Variants in GSK3B observed in about 807,000 individuals in gnomAD.
The protein encoded by GSK3B is glycogen synthase kinase-3 beta.
A neutral mutation model predicts 56.4 loss-of-function variants in GSK3B; 15 were observed. That is an observed-to-expected ratio of 0.27 (90% CI 0.18 to 0.41). The LOEUF (loss-of-function observed/expected upper bound fraction) is 0.41. Ranked by LOEUF, GSK3B falls within the 10% of genes least tolerant of loss-of-function variation. The pLI, the probability that GSK3B is intolerant of heterozygous loss-of-function variation, is 1.00. For missense variants in GSK3B, 300 were observed against 513.4 expected (o/e 0.58, Z 4.02); for synonymous variants, 181 against 188.9 (o/e 0.96, Z 0.34).
intron 2 of GSK3B, among the ~76,000 whole-genome samples, chr3:119,981,592 C>G (rs1488854443): frequency 6.6e-6 from 1 of 152,272 alleles, no homozygotes; most frequent in African/African-American, 2.4e-5. Context: ...TTGCTCACTG[C>G]TAGCGCAGTA....
chr3:120,038,482 C>T (rs141900565), intron 1 of GSK3B, among the ~76,000 whole-genome samples: 19 of 152,224 alleles, frequency 1.2e-4, no homozygotes, highest in Non-Finnish European at 2.1e-4. Flanking sequence ...CAGCTGTGAT[C>T]AAGCCACTGC....
intron 6 of GSK3B, among the ~76,000 whole-genome samples, chr3:119,911,118 C>T (rs1579032): frequency 0.026 from 3,933 of 152,208 alleles, 173 homozygotes; most frequent in African/African-American, 0.089. Flanking sequence ...ATGGTGAATC[C>T]TTTCCAGAAG....
At chr3:119,923,314 C>A (rs1377532733) in intron 4 of GSK3B, 59 bp downstream of exon 4, 2 of 804,298 alleles carry the variant, frequency 2.5e-6, no homozygotes, top group Non-Finnish European at 4.2e-6. Context: ...ATAAAAGAGG[C>A]TCTCCTTGGT....
At chr3:120,028,174 G>A (rs1001380757) in intron 1 of GSK3B, among the ~76,000 whole-genome samples, 1 of 144,664 alleles carries the variant, frequency 6.9e-6, no homozygotes, top group Non-Finnish European at 1.5e-5. Flanking sequence ...TGACTGGGAT[G>A]TGTGTTTAAA....
intron 3 of GSK3B, among the ~76,000 whole-genome samples, chr3:119,935,841 T>C (rs944713615): frequency 2.6e-5 from 4 of 152,160 alleles, no homozygotes; most frequent in Admixed American, 1.3e-4. Flanking sequence ...TGAATATAGA[T>C]GCAAAAACTC....
intron 1 of GSK3B, among the ~76,000 whole-genome samples, chr3:120,014,805 A>T (rs1345614290): frequency 6.6e-6 from 1 of 152,214 alleles, no homozygotes; most frequent in Non-Finnish European, 1.5e-5. Flanking sequence ...GATGTCACAT[A>T]GGCTGGCTTC....
Position 119,878,569 on chromosome 3 carries a change from C to T in GSK3B, c.814-2061G>A, listed in dbSNP as rs2056341251. 3.3e-5 allele frequency among the ~76,000 whole-genome samples: 5 copies of T among 152,128 alleles called. No homozygotes were observed. In the South Asian group the frequency reaches 1.0e-3, roughly 32 times the overall value. On this transcript the variant is annotated intron_variant, in intron 7 of 10. Transcript: ENST00000264235. Reference sequence around the variant, plus strand: ...GTTTGGAAGTTTCTTAAAAGTTAAACATATACATATCATACAACCCATCAT... The same window carrying T: ...GTTTGGAAGTTTCTTAAAAGTTAAATATATACATATCATACAACCCATCAT...
intron 2 of GSK3B, among the ~76,000 whole-genome samples, chr3:119,953,988 A>C (rs2057184559): frequency 6.6e-6 from 1 of 152,126 alleles, no homozygotes; most frequent in Non-Finnish European, 1.5e-5. Flanking sequence ...ATCAGATATT[A>C]TAGTCACTAT....
intron 2 of GSK3B, among the ~76,000 whole-genome samples, chr3:119,972,737 T>C (rs1045672718): frequency 6.6e-6 from 1 of 152,160 alleles, no homozygotes; most frequent in Non-Finnish European, 1.5e-5. Context: ...GCCCACCTAT[T>C]TTTTTCTTTT....
chr3:119,893,062 C>A (rs941219801), intron 7 of GSK3B, among the ~76,000 whole-genome samples: 1 of 152,014 alleles, frequency 6.6e-6, no homozygotes, highest in Non-Finnish European at 1.5e-5. Flanking sequence ...GGTTGGTGTG[C>A]GGTGGTGCAA....
At chr3:119,832,300 C>T (rs2055614408) in intron 10 of GSK3B, among the ~76,000 whole-genome samples, 1 of 152,232 alleles carries the variant, frequency 6.6e-6, no homozygotes, top group South Asian at 2.1e-4. Context: ...GGAAGCAGAG[C>T]TTCTGCCTCC....
intron 1 of GSK3B, among the ~76,000 whole-genome samples, chr3:120,007,046 G>A (rs1323948135): frequency 6.6e-6 from 1 of 151,682 alleles, no homozygotes; most frequent in Non-Finnish European, 1.5e-5. Flanking sequence ...AACGAGAGAA[G>A]AATCAAATAG....
At chr3:120,017,279 C>T (rs1223878980) in intron 1 of GSK3B, among the ~76,000 whole-genome samples, 3 of 152,162 alleles carry the variant, frequency 2.0e-5, no homozygotes, top group Admixed American at 2.0e-4. Flanking sequence ...TGGTCACATT[C>T]TAGAAACATC....
At chr3:120,008,967 G>T (rs1286864003) in intron 1 of GSK3B, among the ~76,000 whole-genome samples, 1 of 150,294 alleles carries the variant, frequency 6.7e-6, no homozygotes, top group Non-Finnish European at 1.5e-5. Flanking sequence ...AATCTACAAA[G>T]AACTTACACA....
chr3:119,932,078 G>A (rs1406358653), intron 3 of GSK3B, among the ~76,000 whole-genome samples: 1 of 152,116 alleles, frequency 6.6e-6, no homozygotes, highest in East Asian at 1.9e-4. Flanking sequence ...AGTATGATGT[G>A]TTATCTCCAG....
chr3:119,969,428 T>C (rs1303643737), intron 2 of GSK3B, among the ~76,000 whole-genome samples: 1 of 152,220 alleles, frequency 6.6e-6, no homozygotes, highest in Non-Finnish European at 1.5e-5. Flanking sequence ...TCTTCCCAAC[T>C]TGATCTGCAA....
rs140039882 is a variant in GSK3B, at chr3:120,076,289, T to C, written c.88+17058A>G. On this transcript the variant is annotated intron_variant, in intron 1 of 10. Coordinates refer to ENST00000264235, the MANE Select transcript of GSK3B (RefSeq NM_001146156.2). Reference sequence around the variant, plus strand: ...AACATAGGGAGAAATCTCCTTGACATTGGTCTTGGCAATGACTTTTTCCAT... The same window carrying C: ...AACATAGGGAGAAATCTCCTTGACACTGGTCTTGGCAATGACTTTTTCCAT... Among the ~76,000 whole-genome samples, 17 of 152,288 alleles carry C rather than the reference T, an allele frequency of 1.1e-4. No individual in the cohort carries two copies. The East Asian group carries it at 2.7e-3, about 24-fold the overall frequency.
chr3:119,940,712 G>C (rs2057039992), intron 3 of GSK3B, among the ~76,000 whole-genome samples: 1 of 152,102 alleles, frequency 6.6e-6, no homozygotes. Context: ...TTGGGGGTCA[G>C]AGATTTCTTT....
intron 1 of GSK3B, among the ~76,000 whole-genome samples, chr3:120,080,145 G>A (rs892469645): frequency 6.6e-6 from 1 of 152,020 alleles, no homozygotes; most frequent in Non-Finnish European, 1.5e-5. Context: ...ACAAAAATGA[G>A]CCAGGCATGG....
Sources: gnomAD v4.1 joint callset for allele counts (sites outside exome capture counted in the v4.1 genomes callset) on GRCh38, gnomAD v4.1.1 for gene constraint, MANE v1.5 for transcripts, NCBI Gene and HGNC (gene_info 2026-07-23, HGNC 2026-07-21) for gene names.